The following GPR107 variants were observed in gnomAD, a reference collection of about 807,000 sequenced individuals.
GPR107 encodes the protein G protein-coupled receptor 107, also known as protein GPR107.
A neutral mutation model predicts 75.5 loss-of-function variants in GPR107; 31 were observed. The ratio of observed to expected loss-of-function variants is 0.41; its 90% CI spans 0.31 to 0.55. The LOEUF is 0.55. Ranked by LOEUF, GPR107 falls within the 20% of genes least tolerant of loss-of-function variation. The pLI, the probability that GPR107 is intolerant of heterozygous loss-of-function variation, is 0.26. For missense variants in GPR107, 572 were observed against 665.7 expected (o/e 0.86, Z 1.55); for synonymous variants, 267 against 251.3 (o/e 1.06, Z -0.59).
chr9:130,104,256 G>A (rs1315296084), intron 12 of GPR107, among the ~76,000 whole-genome samples, 164 bp from the exon 13 acceptor site: 2 of 152,178 alleles, frequency 1.3e-5, no homozygotes, highest in Non-Finnish European at 2.9e-5. Flanking sequence ...GACTCTCCTT[G>A]ATAGCGGAGT....
intron 1 of GPR107, among the ~76,000 whole-genome samples, chr9:130,065,766 CAAAAA>C (rs34927308): frequency 1.3e-4 from 8 of 61,050 alleles, no homozygotes; most frequent in Admixed American, 3.9e-4. Context: ...GACCCTGTCT[CAAAAA>C]AAAAAAAAAA....
intron 14 of GPR107, among the ~76,000 whole-genome samples, chr9:130,116,237 G>A (rs916804543): frequency 2.6e-5 from 4 of 152,168 alleles, no homozygotes; most frequent in Admixed American, 6.5e-5. Flanking sequence ...GGCCTGGTTA[G>A]TGGTCCGTGG....
At chr9:130,108,742 C>A (rs570014669) in intron 14 of GPR107, 3 of 455,874 alleles carry the variant, frequency 6.6e-6, no homozygotes, top group African/African-American at 4.0e-5. Context: ...GCCCTTCTCC[C>A]GTTTTCTCAT....
At chr9:130,080,180 G>C (rs1017003029) in intron 5 of GPR107, among the ~76,000 whole-genome samples, 18 of 152,120 alleles carry the variant, frequency 1.2e-4, no homozygotes, top group Admixed American at 2.0e-4. Flanking sequence ...TTCCATTTTT[G>C]TGTGATTATG....
intron 9 of GPR107, 23 bp from the exon 10 acceptor site, chr9:130,099,434 T>A: frequency 7.2e-7 from 1 of 1,391,732 alleles, no homozygotes; most frequent in Non-Finnish European, 1.0e-6. Flanking sequence ...CTTCCTTTAA[T>A]TGTTTTCTCT....
chr9:130,115,378 C>T (rs535901168), intron 14 of GPR107, among the ~76,000 whole-genome samples: 6 of 152,082 alleles, frequency 3.9e-5, no homozygotes, highest in South Asian at 2.1e-4. Flanking sequence ...CCCTTTTTTC[C>T]GCTCATTTTT....
intron 1 of GPR107, among the ~76,000 whole-genome samples, chr9:130,070,656 A>G (rs1261811708): frequency 6.6e-6 from 1 of 152,214 alleles, no homozygotes; most frequent in African/African-American, 2.4e-5. Context: ...GAAAGACTTG[A>G]AAGAAATTCA....
At position 130,123,465 on chromosome 9, in the gene GPR107, G is replaced by A. The variant is rs1589528881; in HGVS notation, c.1307-1450G>A. Among the ~76,000 whole-genome samples the A allele has an allele frequency of 2.6e-5, 4 of 151,586 alleles. 1 individual carries two copies. The South Asian group carries it at 6.3e-4, about 24-fold the overall frequency. ...GATCCACCCGCCTCGGCCTCCCAAA[G>A]TGCTGGGATTACAGGCGTGAGCCAC... On this transcript the variant is annotated intron_variant, in intron 14 of 17. Transcript: ENST00000347136.
chr9:130,135,257 A>G lies in GPR107; in HGVS notation c.*136A>G. 2 of 546,366 alleles carry G rather than the reference A, an allele frequency of 3.7e-6. No homozygotes were observed. Among genetic ancestry groups the G allele is most frequent in the Non-Finnish European group, 6.5e-6 (2 of 309,120 alleles). 33.8% of individuals were successfully genotyped at this position (546,366 alleles called of 1,614,324 possible). A position where few individuals can be genotyped will look rare whatever the true frequency, so the allele number is the denominator to read the frequency against. ...ACACCAGGGCACATGGCTGGAGCAC[A>G]GTGCCGCGGAAACCTGATTTTGTAC... is the stretch of plus-strand genomic sequence containing the variant. On this transcript the variant is annotated 3_prime_UTR_variant, in exon 18 of 18. Transcript: ENST00000347136.
chr9:130,063,885 G>A (rs1653759278), intron 1 of GPR107, among the ~76,000 whole-genome samples: 1 of 149,270 alleles, frequency 6.7e-6, no homozygotes. Context: ...GCTCACTGCA[G>A]CCTCTATCTC....
chr9:130,079,556 G>GGCCT lies in GPR107; in HGVS notation c.387-73_387-70dup. 4.9e-6 allele frequency: 6 copies of GGCCT among 1,224,318 alleles called. No homozygotes were observed. In the South Asian group the frequency reaches 8.0e-5, roughly 16 times the overall value. The allele number at this position is 1,224,318 out of a possible 1,614,324, so 75.8% of individuals were successfully genotyped here. ...TAAGGACTGCATGAGCTTGGCACAG[G>GGCCT]GCCTACACGCAGCGTGCTCAGTGGC... On this transcript the variant is annotated intron_variant, in intron 4 of 17. Coordinates refer to ENST00000347136, the MANE Select transcript of GPR107 (RefSeq NM_020960.5).
chr9:130,116,065 C>T (rs1368854434), intron 14 of GPR107, among the ~76,000 whole-genome samples: 1 of 152,230 alleles, frequency 6.6e-6, no homozygotes, highest in East Asian at 1.9e-4. Flanking sequence ...AATCCATTAA[C>T]CAGTGATACC....
chr9:130,086,049 C>A (rs1195078415), intron 6 of GPR107, among the ~76,000 whole-genome samples: 2 of 152,072 alleles, frequency 1.3e-5, no homozygotes, highest in Middle Eastern at 3.2e-3. Flanking sequence ...CTGTGCCTGG[C>A]CAATATTTTG....
At chr9:130,062,005 G>A (rs1035537131) in intron 1 of GPR107, among the ~76,000 whole-genome samples, 3 of 152,060 alleles carry the variant, frequency 2.0e-5, no homozygotes, top group African/African-American at 7.2e-5. Context: ...AAGAGGAAGT[G>A]AAAGAGATTG....
At chr9:130,070,566 A>G (rs2132551501) in intron 1 of GPR107, among the ~76,000 whole-genome samples, 1 of 152,240 alleles carries the variant, frequency 6.6e-6, no homozygotes, top group African/African-American at 2.4e-5. Flanking sequence ...GACCCCCCAA[A>G]GTGCTGGGAT....
chr9:130,068,543 T>G (rs370440037), intron 1 of GPR107, among the ~76,000 whole-genome samples: 1 of 152,148 alleles, frequency 6.6e-6, no homozygotes, highest in East Asian at 1.9e-4. Flanking sequence ...TGTTACTGTA[T>G]TTCTTATTTT....
chr9:130,083,508 A>G lies in GPR107; in HGVS notation c.527-57A>G. Reference sequence around the variant, plus strand: ...CTCATAAAATGATACTGTAATATATATATGTATCTGTAAGTTGAGTCATGC... The same window carrying G: ...CTCATAAAATGATACTGTAATATATGTATGTATCTGTAAGTTGAGTCATGC... On this transcript the variant is annotated intron_variant, in intron 5 of 17. Transcript: ENST00000347136. The G allele has an allele frequency of 3.9e-6, 4 of 1,025,520 alleles. No homozygotes were observed. In the South Asian group the frequency reaches 7.0e-5, roughly 18 times the overall value. 63.5% of individuals were successfully genotyped at this position (1,025,520 alleles called of 1,614,324 possible). A position where few individuals can be genotyped will look rare whatever the true frequency, so the allele number is the denominator to read the frequency against.
At chr9:130,110,122 T>G (rs1831260273) in intron 14 of GPR107, among the ~76,000 whole-genome samples, 1 of 152,154 alleles carries the variant, frequency 6.6e-6, no homozygotes, top group African/African-American at 2.4e-5. Flanking sequence ...TGTTCGGTCC[T>G]CCATCTTGCT....
intron 9 of GPR107, among the ~76,000 whole-genome samples, chr9:130,096,382 A>G (rs181082023): frequency 1.0e-3 from 154 of 149,932 alleles, no homozygotes; most frequent in African/African-American, 3.5e-3. Context: ...CTCCTGCTCT[A>G]TTGTTCCCCT....
Sources: gnomAD v4.1 joint callset for allele counts (sites outside exome capture counted in the v4.1 genomes callset) on GRCh38, gnomAD v4.1.1 for gene constraint, MANE v1.5 for transcripts, NCBI Gene and HGNC (gene_info 2026-07-23, HGNC 2026-07-21) for gene names.